Variants in MARK1 observed in about 807,000 individuals in gnomAD.
MARK1 encodes the protein microtubule affinity regulating kinase 1.
A neutral mutation model predicts 96.3 loss-of-function variants in MARK1; 40 were observed. The ratio of observed to expected loss-of-function variants is 0.42; its 90% CI spans 0.32 to 0.54. The LOEUF (loss-of-function observed/expected upper bound fraction) is 0.54, where lower values mean the gene tolerates loss of function less well. MARK1 is among the 20% of genes least tolerant of loss of function. The pLI, the probability that MARK1 is intolerant of heterozygous loss-of-function variation, is 0.16. For missense variants in MARK1, 719 were observed against 984.6 expected (o/e 0.73, Z 3.61); for synonymous variants, 317 against 341.2 (o/e 0.93, Z 0.78).
intron 3 of MARK1, among the ~76,000 whole-genome samples, chr1:220,596,544 C>A (rs1183781280): frequency 6.6e-6 from 1 of 152,040 alleles, no homozygotes; most frequent in Non-Finnish European, 1.5e-5. Flanking sequence ...TATACATATG[C>A]ACACATACAG....
intron 1 of MARK1, among the ~76,000 whole-genome samples, chr1:220,545,925 C>T (rs2786601): frequency 0.19 from 28,160 of 151,988 alleles, 3,320 homozygotes; most frequent in East Asian, 0.36. Flanking sequence ...CTTACTGGGC[C>T]TGCACAACTC....
At chr1:220,548,667 A>G (rs1469367242) in intron 1 of MARK1, among the ~76,000 whole-genome samples, 1 of 152,144 alleles carries the variant, frequency 6.6e-6, no homozygotes, top group South Asian at 2.1e-4. Flanking sequence ...TGAACCTGGG[A>G]GGCAGAGACT....
rs138825934 is a variant in MARK1 at position 220,552,419 on chromosome 1, A to C, written c.51+23546A>C. On this transcript the variant is annotated intron_variant, in intron 1 of 17. Coordinates refer to ENST00000366917, the MANE Select transcript of MARK1 (RefSeq NM_018650.5). ...GTCACAAATTTGGAGTACATATTGC[A>C]TCCTGGAATATATTACCCCAGCTCT... 7.2e-5 allele frequency among the ~76,000 whole-genome samples: 11 copies of C among 152,286 alleles called. No homozygotes were observed. The East Asian group carries it at 1.9e-3, about 27-fold the overall frequency.
At position 220,618,247 on chromosome 1, in the gene MARK1, T is replaced by C; in HGVS notation, c.553-63T>C. On this transcript the variant is annotated intron_variant, in intron 7 of 17. Coordinates refer to ENST00000366917, the MANE Select transcript of MARK1 (RefSeq NM_018650.5). This position sits in a 1 kb window ranked among gnomAD's most constrained non-coding sequence, Gnocchi z 4.6. ...ATGTAAGTTTGGAAGCTAAAACTCT[T>C]TTACAAATATTTTTATTTTATGTAG... The C allele has an allele frequency of 9.2e-7, 1 of 1,092,014 alleles. No homozygotes were observed. The highest frequency in any genetic ancestry group is 1.4e-5 in the South Asian group (1 of 70,278). The allele number at this position is 1,092,014 out of a possible 1,614,324, so 67.6% of individuals were successfully genotyped here.
intron 1 of MARK1, among the ~76,000 whole-genome samples, chr1:220,561,247 A>G (rs929346865): frequency 1.3e-5 from 2 of 152,182 alleles, no homozygotes; most frequent in African/African-American, 4.8e-5. Context: ...AACACATGAG[A>G]TAAATGCTCT....
intron 9 of MARK1, among the ~76,000 whole-genome samples, chr1:220,621,411 T>C (rs927693515): frequency 2.0e-5 from 3 of 152,166 alleles, no homozygotes; most frequent in South Asian, 2.1e-4. Flanking sequence ...CCAAAAGATA[T>C]GTGTGACCCA....
At chr1:220,563,739 A>G (rs1489584651) in intron 1 of MARK1, among the ~76,000 whole-genome samples, 4 of 152,206 alleles carry the variant, frequency 2.6e-5, no homozygotes, top group Non-Finnish European at 4.4e-5. Context: ...AAACGTGCCC[A>G]AGGTCACACA....
intron 1 of MARK1, among the ~76,000 whole-genome samples, chr1:220,557,965 C>A (rs1662397163): frequency 1.3e-5 from 2 of 151,742 alleles, no homozygotes; most frequent in Admixed American, 6.6e-5. Context: ...CCCATCTCTA[C>A]AAAAATTACA....
chr1:220,576,160 G>A (rs944788367), intron 1 of MARK1, among the ~76,000 whole-genome samples: 6 of 150,754 alleles, frequency 4.0e-5, no homozygotes, highest in Admixed American at 6.6e-5. Flanking sequence ...TGACATTGCC[G>A]TGTAACAAAT....
intron 1 of MARK1, among the ~76,000 whole-genome samples, chr1:220,539,315 T>C (rs1168269661): frequency 1.3e-5 from 2 of 152,242 alleles, no homozygotes; most frequent in African/African-American, 4.8e-5. Flanking sequence ...TTTCTGCATC[T>C]ATTGAGATAA....
chr1:220,606,302 G>T (rs1666075415), intron 6 of MARK1, among the ~76,000 whole-genome samples: 1 of 152,082 alleles, frequency 6.6e-6, no homozygotes, highest in South Asian at 2.1e-4. Context: ...TCATGTGTCT[G>T]TTGGCTGCAT....
chr1:220,586,302 C>T (rs1171026645), intron 3 of MARK1, among the ~76,000 whole-genome samples: 2 of 152,080 alleles, frequency 1.3e-5, no homozygotes, highest in African/African-American at 4.8e-5. Flanking sequence ...ATTCCAGTTA[C>T]CAGGCCTTTG....
chr1:220,639,573 T>G (rs1404978251), intron 13 of MARK1, among the ~76,000 whole-genome samples: 2 of 152,274 alleles, frequency 1.3e-5, no homozygotes, highest in East Asian at 3.9e-4. Flanking sequence ...ATTAGAGGCA[T>G]TCTCAAAAGT....
At chr1:220,655,370 C>T (rs1248669833) in intron 16 of MARK1, among the ~76,000 whole-genome samples, 5 of 152,188 alleles carry the variant, frequency 3.3e-5, no homozygotes, top group African/African-American at 1.2e-4. Flanking sequence ...AGACTCATAT[C>T]CAACTGCTGC....
At chr1:220,619,299 C>G (rs537176347) in intron 9 of MARK1, among the ~76,000 whole-genome samples, 5 of 152,106 alleles carry the variant, frequency 3.3e-5, no homozygotes, top group African/African-American at 1.2e-4. Context: ...ATGGTGAAAC[C>G]CTGTCTGTAC....
intron 16 of MARK1, among the ~76,000 whole-genome samples, chr1:220,657,041 A>G (rs998762209): frequency 6.6e-6 from 1 of 152,170 alleles, no homozygotes; most frequent in Non-Finnish European, 1.5e-5. Context: ...CAAGTTGGTG[A>G]TTTTTCCCAC....
intron 1 of MARK1, among the ~76,000 whole-genome samples, chr1:220,555,340 GTC>G (rs974625717): frequency 6.6e-5 from 10 of 152,304 alleles, no homozygotes; most frequent in African/African-American, 2.4e-4. Context: ...CTTAATTTAT[GTC>G]TCAGTTTATT....
intron 6 of MARK1, among the ~76,000 whole-genome samples, chr1:220,609,914 G>C (rs1473699305): frequency 6.6e-6 from 1 of 152,182 alleles, no homozygotes; most frequent in African/African-American, 2.4e-5. Flanking sequence ...TGTGCCAAGA[G>C]ATCCTCTGTT....
chr1:220,657,810 C>T lies in MARK1; in HGVS notation c.2009C>T (p.Ala670Val), dbSNP rs1669257146. The change falls in exon 17 of 18, where the codon GCC becomes GTC. Residue 670 changes from alanine (A) to valine (V), a missense_variant. Physicochemically the swap from Ala to Val is moderately conservative, Grantham distance 64 (BLOSUM62 0). Around this residue, in one of 4 missense-constraint regions of MARK1, gnomAD observed 501 missense variants for 588.3 expected, o/e 0.85. Transcript: ENST00000366917. ...TTGAGGGATCCAAGTGAAGGCGAAG[C>T]CAGTGGCAGAACCGACACCTCAAGG... ...FVRRDPSEGEASGRTDTSRST... is the reference protein window; with the variant it reads ...FVRRDPSEGEVSGRTDTSRST... 4 of 1,575,554 alleles carry T rather than the reference C, an allele frequency of 2.5e-6. No homozygotes were observed. The South Asian group carries it at 3.6e-5, about 14-fold the overall frequency.
Sources: allele counts gnomAD v4.1 joint callset (sites outside exome capture counted in the v4.1 genomes callset), GRCh38; gene constraint gnomAD v4.1.1; regional missense constraint gnomAD v4.1.1; non-coding constraint Gnocchi (gnomAD v3.1); transcripts MANE v1.5; gene names NCBI Gene and HGNC (gene_info 2026-07-23, HGNC 2026-07-21).